The following FSIP1 variants were observed in gnomAD, a reference collection of about 807,000 sequenced individuals.
FSIP1 encodes the protein fibrous sheath interacting protein 1.
A neutral mutation model predicts 60.9 loss-of-function variants in FSIP1; 65 were observed. The observed-to-expected ratio is 1.07, with a 90% CI of 0.87 to 1.31. The LOEUF (loss-of-function observed/expected upper bound fraction) is 1.31, where lower values mean the gene tolerates loss of function less well. Among genes scored for constraint, FSIP1 ranks in the 40% most tolerant of loss-of-function variants. The pLI is 0.00. For synonymous variants in FSIP1, 209 were observed against 221.2 expected (o/e 0.94, Z 0.49); for missense variants, 675 against 665.5 (o/e 1.01, Z -0.16).
rs149064484 is a variant in FSIP1, at chr15:39,654,102, T to C, written c.1189-35857A>G. On this transcript the variant is annotated intron_variant, in intron 10 of 11. Coordinates refer to ENST00000350221, the MANE Select transcript of FSIP1 (RefSeq NM_152597.5). The stretch of plus-strand genomic sequence containing the variant: ...GCTGTCATCTCCTACGACAACAATG[T>C]CTTCTTCTGGAATTCCTCCTGAAGG... 1.3e-3 allele frequency among the ~76,000 whole-genome samples: 198 copies of C among 152,258 alleles called. 1 individual carries two copies. Among genetic ancestry groups the C allele is most frequent in the African/African-American group, 4.6e-3 (190 of 41,498 alleles).
At chr15:39,630,870 T>C (rs571295202) in intron 10 of FSIP1, among the ~76,000 whole-genome samples, 1 of 152,252 alleles carries the variant, frequency 6.6e-6, no homozygotes, top group Admixed American at 6.5e-5. Context: ...CATCTGAAAA[T>C]GTGATACCAC....
intron 10 of FSIP1, among the ~76,000 whole-genome samples, chr15:39,652,015 G>T (rs1222488634): frequency 6.6e-6 from 1 of 152,200 alleles, no homozygotes; most frequent in Non-Finnish European, 1.5e-5. Flanking sequence ...AAATAAAGGG[G>T]TGAATGGAAG....
chr15:39,765,749 A>G lies in FSIP1; in HGVS notation c.311-3T>C. The G allele has an allele frequency of 6.8e-7, 1 of 1,472,932 alleles. No homozygotes were observed. Among genetic ancestry groups the G allele is most frequent in the Non-Finnish European group, 9.3e-7 (1 of 1,077,594 alleles). 91.2% of individuals were successfully genotyped at this position (1,472,932 alleles called of 1,614,324 possible). A position where few individuals can be genotyped will look rare whatever the true frequency, so the allele number is the denominator to read the frequency against. ...TAATTCTTTTAATTTGGGTTCATCT[A>G]TATTGTGTTGAAAGTAAAAATAGGT... On this transcript the variant is annotated splice_region_variant and splice_polypyrimidine_tract_variant and intron_variant, in intron 3 of 11. Coordinates refer to ENST00000350221, the MANE Select transcript of FSIP1 (RefSeq NM_152597.5).
At position 39,770,624 on chromosome 15, in the gene FSIP1, C is replaced by A. The variant is rs1565560; in HGVS notation, c.127-14G>T. On this transcript the variant is annotated splice_polypyrimidine_tract_variant and intron_variant, in intron 2 of 11. Coordinates refer to ENST00000350221, the MANE Select transcript of FSIP1 (RefSeq NM_152597.5). ...TGCAGTATCGACCTAAAAATAATTT[C>A]AAAAAAAAAACAGTTTCCGAAAATA... The A allele has an allele frequency of 0.35, 479,646 of 1,373,862 alleles. 82,689 individuals are homozygous for A. The highest frequency in any genetic ancestry group is 0.46 in the Admixed American group (16,478 of 35,626). The allele number at this position is 1,373,862 out of a possible 1,614,324, so 85.1% of individuals were successfully genotyped here. A position where few individuals can be genotyped will look rare whatever the true frequency, so the allele number is the denominator to read the frequency against.
chr15:39,773,157 A>C (rs1329752400), intron 2 of FSIP1, among the ~76,000 whole-genome samples: 5 of 152,234 alleles, frequency 3.3e-5, no homozygotes, highest in Non-Finnish European at 7.3e-5. Context: ...TGCTGTGAAA[A>C]AAATCTTTGG....
chr15:39,630,914 CAT>C (rs1232199966), intron 10 of FSIP1, among the ~76,000 whole-genome samples: 3 of 152,224 alleles, frequency 2.0e-5, no homozygotes, highest in Non-Finnish European at 2.9e-5. Flanking sequence ...CCTCTCAACT[CAT>C]AAATCTGAGG....
chr15:39,598,530 T>C (rs1034117606), downstream of FSIP1: 2 of 152,206 alleles, frequency 1.3e-5, no homozygotes, highest in African/African-American at 4.8e-5. Context: ...TTCTAATTCA[T>C]TCTTGGATAG....
At chr15:39,758,184 T>C (rs956711659) in intron 5 of FSIP1, among the ~76,000 whole-genome samples, 9 of 152,106 alleles carry the variant, frequency 5.9e-5, no homozygotes, top group Non-Finnish European at 1.2e-4. Context: ...CCAGGAGCTT[T>C]AAAAATTAAA....
chr15:39,781,387 A>T (rs2140746621), intron 1 of FSIP1, among the ~76,000 whole-genome samples: 1 of 152,322 alleles, frequency 6.6e-6, no homozygotes, highest in East Asian at 1.9e-4. Flanking sequence ...CAAAATCATC[A>T]CTTTTCAAAA....
At chr15:39,606,538 T>C (rs1219022860) in intron 11 of FSIP1, among the ~76,000 whole-genome samples, 4 of 152,194 alleles carry the variant, frequency 2.6e-5, no homozygotes, top group Non-Finnish European at 2.9e-5. Context: ...TACAGTGCTA[T>C]AGACTATTAG....
intron 10 of FSIP1, among the ~76,000 whole-genome samples, chr15:39,619,370 T>C (rs1891360393): frequency 6.6e-6 from 1 of 152,196 alleles, no homozygotes; most frequent in Non-Finnish European, 1.5e-5. Context: ...CAAGTGTCAC[T>C]ATGAGTATGA....
chr15:39,676,009 C>CA (rs10706666), intron 10 of FSIP1, among the ~76,000 whole-genome samples: 3,134 of 145,600 alleles, frequency 0.022, 111 homozygotes, highest in African/African-American at 0.074. Context: ...ACTAAAAATA[C>CA]AAAAAAAAAA....
chr15:39,658,462 C>T (rs998212225), intron 10 of FSIP1, among the ~76,000 whole-genome samples: 10 of 151,994 alleles, frequency 6.6e-5, no homozygotes, highest in African/African-American at 2.4e-4. Context: ...GTTGGCCAGG[C>T]TGGTCTCAAA....
Position 39,648,429 on chromosome 15 carries a change from C to T in FSIP1, c.1189-30184G>A, listed in dbSNP as rs547499991. Reference sequence around the variant, plus strand: ...GTGGTTCCACAAACTAGATCATAACCTTAGAAGGTGAGACATACGCATCGT... The same window carrying T: ...GTGGTTCCACAAACTAGATCATAACTTTAGAAGGTGAGACATACGCATCGT... On this transcript the variant is annotated intron_variant, in intron 10 of 11. Transcript: ENST00000350221. Among the ~76,000 whole-genome samples, 15 of 152,250 alleles carry T rather than the reference C, an allele frequency of 9.9e-5. No homozygotes were observed. In the South Asian group the frequency reaches 3.1e-3, roughly 32 times the overall value.
chr15:39,736,161 T>C lies in FSIP1; in HGVS notation c.891+1930A>G, dbSNP rs371906548. Among the ~76,000 whole-genome samples, 5 of 152,368 alleles carry C rather than the reference T, an allele frequency of 3.3e-5. 1 individual carries two copies. Among genetic ancestry groups the C allele is most frequent in the Admixed American group, 6.5e-5 (1 of 15,312 alleles). ...ATGGGACCACTGTCATGTATGCATG[T>C]TGACCAAAACATCATTATGTGGCAC... On this transcript the variant is annotated intron_variant, in intron 8 of 11. Transcript: ENST00000350221.
chr15:39,736,342 T>C (rs1220330604), intron 8 of FSIP1, among the ~76,000 whole-genome samples: 1 of 152,218 alleles, frequency 6.6e-6, no homozygotes, highest in Non-Finnish European at 1.5e-5. Context: ...GACCTCACCA[T>C]CTCAGGAAGG....
At chr15:39,771,330 C>G (rs1897878798) in intron 2 of FSIP1, among the ~76,000 whole-genome samples, 1 of 152,152 alleles carries the variant, frequency 6.6e-6, no homozygotes, top group African/African-American at 2.4e-5. Flanking sequence ...CTCAAAGAAG[C>G]ACCTTTCCCC....
intron 10 of FSIP1, among the ~76,000 whole-genome samples, chr15:39,653,811 C>T (rs1227009627): frequency 6.6e-6 from 1 of 152,236 alleles, no homozygotes; most frequent in Non-Finnish European, 1.5e-5. Context: ...TGTGAGGCTT[C>T]CCCAGCCATG....
At chr15:39,626,180 G>A (rs982216503) in intron 10 of FSIP1, among the ~76,000 whole-genome samples, 15 of 152,268 alleles carry the variant, frequency 9.9e-5, no homozygotes, top group African/African-American at 3.4e-4. Context: ...AAGAACTTAT[G>A]TATGCCCACA....
Sources: allele counts gnomAD v4.1 joint callset (sites outside exome capture counted in the v4.1 genomes callset), GRCh38; gene constraint gnomAD v4.1.1; transcripts MANE v1.5; gene names NCBI Gene and HGNC (gene_info 2026-07-23, HGNC 2026-07-21).